The following WLS variants were observed in gnomAD, a reference collection of about 807,000 sequenced individuals.
WLS encodes protein wntless homolog.
In WLS, 23 loss-of-function variants were observed where a neutral mutation model predicts 62.8. That is an observed-to-expected ratio of 0.37 (90% CI 0.26 to 0.52). The LOEUF is 0.52. WLS is among the 20% of genes least tolerant of loss of function. The pLI, the probability that WLS is intolerant of heterozygous loss-of-function variation, is 0.92. For missense variants in WLS, 615 were observed against 697.3 expected (o/e 0.88, Z 1.33); for synonymous variants, 246 against 244.1 (o/e 1.01, Z -0.07).
At chr1:68,228,079 A>G in intron 1 of WLS, 1 of 230,068 alleles carries the variant, frequency 4.3e-6, no homozygotes, top group South Asian at 4.8e-5. Context: ...TTGATTACAT[A>G]TGTGTGTATG....
At chr1:68,198,592 C>T (rs1648811403) in intron 1 of WLS, among the ~76,000 whole-genome samples, 1 of 152,070 alleles carries the variant, frequency 6.6e-6, no homozygotes. Context: ...AGTATATTGT[C>T]CAAATTTGTC....
downstream of WLS, among the ~76,000 whole-genome samples, chr1:68,122,650 A>G (rs1646377728): frequency 6.6e-6 from 1 of 152,232 alleles, no homozygotes; most frequent in South Asian, 2.1e-4. Context: ...TTATTATGAC[A>G]ATGTATAAAA....
intron 11 of WLS, among the ~76,000 whole-genome samples, chr1:68,114,638 T>C (rs1646267896): frequency 6.6e-6 from 1 of 152,212 alleles, no homozygotes; most frequent in South Asian, 2.1e-4. Flanking sequence ...GGCATCTGAC[T>C]GGTGCAGACT....
intron 1 of WLS, among the ~76,000 whole-genome samples, chr1:68,196,371 G>C (rs2100611425): frequency 6.6e-6 from 1 of 152,050 alleles, no homozygotes; most frequent in Non-Finnish European, 1.5e-5. Flanking sequence ...TTAAAAGAAA[G>C]TGTCATCAAT....
chr1:68,227,877 CAT>C (rs1650230553), intron 1 of WLS, among the ~76,000 whole-genome samples: 1 of 152,140 alleles, frequency 6.6e-6, no homozygotes, highest in Non-Finnish European at 1.5e-5. Context: ...AGAGTAAACA[CAT>C]ATACTCTGCA....
intron 2 of WLS, chr1:68,162,327 G>C: frequency 1.2e-6 from 2 of 1,613,778 alleles, no homozygotes; most frequent in South Asian, 2.2e-5. Flanking sequence ...TTATGGTAAA[G>C]TCATTGATGA....
chr1:68,107,324 G>A (rs1049973660), intron 11 of WLS, among the ~76,000 whole-genome samples: 4 of 151,134 alleles, frequency 2.6e-5, no homozygotes, highest in African/African-American at 9.7e-5. Flanking sequence ...TTAACACAAT[G>A]TGGCAATTTA....
chr1:68,231,956 G>T, intron 1 of WLS: 10 of 483,004 alleles, frequency 2.1e-5, no homozygotes, highest in Non-Finnish European at 3.0e-5. Context: ...CCCCCCTCTT[G>T]CCTTTCAAGT....
intron 11 of WLS, among the ~76,000 whole-genome samples, chr1:68,116,048 C>T (rs1214368062): frequency 6.6e-6 from 1 of 152,186 alleles, no homozygotes; most frequent in Non-Finnish European, 1.5e-5. Context: ...TCCCTTTGTC[C>T]CAGAGCACTC....
At chr1:68,159,530 C>A (rs975274045) in intron 2 of WLS, among the ~76,000 whole-genome samples, 1 of 152,164 alleles carries the variant, frequency 6.6e-6, no homozygotes, top group African/African-American at 2.4e-5. Flanking sequence ...AATGGTCAGA[C>A]CTCATCCTCC....
chr1:68,129,510 G>A (rs1275007820), intron 11 of WLS, among the ~76,000 whole-genome samples: 1 of 152,216 alleles, frequency 6.6e-6, no homozygotes, highest in African/African-American at 2.4e-5. Flanking sequence ...CTTGTACGAT[G>A]TGAAGCTACT....
At chr1:68,133,365 G>T (rs1386991902) in intron 11 of WLS, among the ~76,000 whole-genome samples, 3 of 152,182 alleles carry the variant, frequency 2.0e-5, no homozygotes, top group African/African-American at 7.2e-5. Flanking sequence ...GCACCTATCT[G>T]CTGGTGAGAA....
intron 11 of WLS, among the ~76,000 whole-genome samples, chr1:68,118,746 A>T (rs1198617408): frequency 6.6e-6 from 1 of 151,796 alleles, no homozygotes; most frequent in Admixed American, 6.6e-5. Context: ...GTGGTGGCAG[A>T]TGCCTGTAAT....
chr1:68,183,974 A>G (rs1049404761), intron 2 of WLS, among the ~76,000 whole-genome samples: 1 of 152,200 alleles, frequency 6.6e-6, no homozygotes, highest in Non-Finnish European at 1.5e-5. Context: ...TCCAGTGTAC[A>G]GCACAAGGAT....
intron 1 of WLS, among the ~76,000 whole-genome samples, chr1:68,197,876 C>G (rs1328991016): frequency 1.3e-5 from 2 of 152,124 alleles, no homozygotes; most frequent in Admixed American, 1.3e-4. Context: ...AAGTTTAAAT[C>G]ATCTTCAACC....
chr1:68,135,052 C>T (rs1335344450), intron 11 of WLS, among the ~76,000 whole-genome samples: 1 of 152,224 alleles, frequency 6.6e-6, no homozygotes, highest in African/African-American at 2.4e-5. Flanking sequence ...AGATATCACT[C>T]TCTGGGCTGC....
intron 1 of WLS, among the ~76,000 whole-genome samples, chr1:68,221,771 A>C (rs1649950807): frequency 6.6e-6 from 1 of 152,200 alleles, no homozygotes; most frequent in Non-Finnish European, 1.5e-5. Context: ...GTGCAGAAAA[A>C]CATAGTGCTT....
At chr1:68,100,475 A>G (rs1423696086) in intron 11 of WLS, among the ~76,000 whole-genome samples, 1 of 152,238 alleles carries the variant, frequency 6.6e-6, no homozygotes, top group Admixed American at 6.5e-5. Context: ...CAAACCCTCA[A>G]GGAATATGCA....
chr1:68,167,441 T>C (rs1214265062), intron 2 of WLS, among the ~76,000 whole-genome samples: 1 of 152,146 alleles, frequency 6.6e-6, no homozygotes, highest in African/African-American at 2.4e-5. Context: ...AAAACACTGG[T>C]TTCATGACTC....
Sources: allele counts gnomAD v4.1 joint callset (sites outside exome capture counted in the v4.1 genomes callset), GRCh38; gene constraint gnomAD v4.1.1; transcripts MANE v1.5; gene names NCBI Gene and HGNC (gene_info 2026-07-23, HGNC 2026-07-21).